NALF1: variants seen among roughly 807,000 people sequenced by gnomAD.
NALF1 encodes the protein NALCN channel auxiliary factor 1, also known as family with sequence similarity 155 member A.
NALF1 carries 3 observed loss-of-function variants against 48.4 expected under a neutral mutation model. The observed-to-expected ratio is 0.06, with a 90% CI of 0.03 to 0.16. The LOEUF (loss-of-function observed/expected upper bound fraction) is 0.16. Ranked by LOEUF, NALF1 falls within the 10% of genes least tolerant of loss-of-function variation. The pLI is 1.00. For missense variants in NALF1, 526 were observed against 571.5 expected (o/e 0.92, Z 0.81); for synonymous variants, 262 against 245.7 (o/e 1.07, Z -0.62).
chr13:107,261,641 A>T (rs180690883), intron 1 of NALF1, among the ~76,000 whole-genome samples: 1,732 of 152,236 alleles, frequency 0.011, 25 homozygotes, highest in African/African-American at 0.039. Flanking sequence ...GGACCTGCTG[A>T]GAGTGTTTTA....
chr13:107,840,318 T>C (rs551319768), intron 1 of NALF1, among the ~76,000 whole-genome samples: 24 of 152,116 alleles, frequency 1.6e-4, no homozygotes, highest in Non-Finnish European at 2.9e-4. Context: ...TCCCCAAAAA[T>C]AGTGGCTGCA....
In NALF1 at chr13:107,167,943, T is replaced by C. The variant is rs1291915108; in HGVS notation, c.*2554A>G. 6.6e-6 allele frequency: 1 copy of C among 152,234 alleles called. No homozygotes were observed. Among genetic ancestry groups the C allele is most frequent in the Non-Finnish European group, 1.5e-5 (1 of 68,036 alleles). The allele number at this position is 152,234 out of a possible 1,614,324, so 9.4% of individuals were successfully genotyped here. A position where few individuals can be genotyped will look rare whatever the true frequency, so the allele number is the denominator to read the frequency against. ...AATATATTGAGAAAATGAAAACCTA[T>C]ATTTTAAGGAATACTGCTTTTCGTC... On this transcript the variant is annotated 3_prime_UTR_variant, in exon 3 of 3. Transcript: ENST00000375915.
At chr13:107,771,562 G>A (rs533811191) in intron 1 of NALF1, among the ~76,000 whole-genome samples, 1 of 151,010 alleles carries the variant, frequency 6.6e-6, no homozygotes, top group Non-Finnish European at 1.5e-5. Context: ...GTTCGAACCA[G>A]AGCGACTCCA....
chr13:107,284,141 C>A (rs1174147030), intron 1 of NALF1, among the ~76,000 whole-genome samples: 4 of 152,116 alleles, frequency 2.6e-5, no homozygotes, highest in Non-Finnish European at 5.9e-5. Flanking sequence ...GTAAGCATTT[C>A]TTTGGAAAAT....
chr13:107,723,193 A>C (rs1196383255), intron 1 of NALF1, among the ~76,000 whole-genome samples: 3 of 152,158 alleles, frequency 2.0e-5, no homozygotes, highest in Non-Finnish European at 4.4e-5. Context: ...ATGACCCAGT[A>C]CCAGAATCCC....
At chr13:107,401,568 T>A (rs945098945) in intron 1 of NALF1, among the ~76,000 whole-genome samples, 3 of 152,216 alleles carry the variant, frequency 2.0e-5, no homozygotes, top group African/African-American at 7.2e-5. Context: ...AAATGGTTTT[T>A]CTATGACAGG....
intron 1 of NALF1, among the ~76,000 whole-genome samples, chr13:107,845,835 A>G (rs1428709579): frequency 6.6e-6 from 1 of 152,174 alleles, no homozygotes; most frequent in Non-Finnish European, 1.5e-5. Context: ...ATACTACCCA[A>G]AAGAATGCCA....
Position 107,536,180 on chromosome 13 carries a change from G to A in NALF1, c.916-325425C>T, listed in dbSNP as rs149577163. 7.7e-3 allele frequency among the ~76,000 whole-genome samples: 1,177 copies of A among 152,244 alleles called. 16 individuals carry two copies. The highest frequency in any genetic ancestry group is 0.027 in the African/African-American group (1,119 of 41,520). On this transcript the variant is annotated intron_variant, in intron 1 of 2. Coordinates refer to ENST00000375915, the MANE Select transcript of NALF1 (RefSeq NM_001080396.3). ...ACACAGGCATGGGCAAGGACTTCACGTCTAAAACACCAAAAGCAATAGCAA... is the reference window on the plus strand; with the variant it reads ...ACACAGGCATGGGCAAGGACTTCACATCTAAAACACCAAAAGCAATAGCAA...
intron 1 of NALF1, 140 bp from the exon 2 acceptor site, chr13:107,210,895 A>G (rs1053981543): frequency 1.7e-6 from 1 of 603,966 alleles, no homozygotes; most frequent in Non-Finnish European, 2.9e-6. Flanking sequence ...GTATTTACAC[A>G]ACGACAGCTG....
chr13:107,585,378 G>GA (rs113082323), intron 1 of NALF1, among the ~76,000 whole-genome samples: 78,924 of 149,824 alleles, frequency 0.53, 21,317 homozygotes, highest in African/African-American at 0.62. Flanking sequence ...AAATAGAATA[G>GA]AAAAAAAAAA....
intron 1 of NALF1, among the ~76,000 whole-genome samples, chr13:107,325,082 G>C (rs1389940001): frequency 6.6e-6 from 1 of 152,126 alleles, no homozygotes; most frequent in East Asian, 1.9e-4. Flanking sequence ...GAAATCATCA[G>C]TGGCTTCTCT....
chr13:107,844,507 G>A (rs570190433), intron 1 of NALF1, among the ~76,000 whole-genome samples: 22 of 152,220 alleles, frequency 1.4e-4, no homozygotes, highest in African/African-American at 5.3e-4. Flanking sequence ...AAGTATAACT[G>A]AATTCAATAT....
At chr13:107,332,645 A>T (rs1321162752) in intron 1 of NALF1, among the ~76,000 whole-genome samples, 2 of 152,172 alleles carry the variant, frequency 1.3e-5, no homozygotes, top group African/African-American at 4.8e-5. Flanking sequence ...TCTGATAAAC[A>T]ATTTAAATAA....
At chr13:107,531,830 T>C (rs1036444698) in intron 1 of NALF1, among the ~76,000 whole-genome samples, 5 of 152,132 alleles carry the variant, frequency 3.3e-5, no homozygotes, top group Admixed American at 1.3e-4. Context: ...GCCAAAGTTT[T>C]GTGTCATGTG....
At chr13:107,542,721 T>C (rs1007898553) in intron 1 of NALF1, among the ~76,000 whole-genome samples, 1 of 152,148 alleles carries the variant, frequency 6.6e-6, no homozygotes, top group Admixed American at 6.6e-5. Flanking sequence ...TCTATATGTA[T>C]TGCTGTTGGA....
intron 1 of NALF1, among the ~76,000 whole-genome samples, chr13:107,533,928 G>A (rs1365362322): frequency 2.0e-5 from 3 of 152,106 alleles, no homozygotes; most frequent in African/African-American, 4.8e-5. Context: ...GAAATGGGGA[G>A]GGGGAGAGAC....
At chr13:107,579,128 G>T (rs762145521) in intron 1 of NALF1, among the ~76,000 whole-genome samples, 1 of 152,128 alleles carries the variant, frequency 6.6e-6, no homozygotes, top group Non-Finnish European at 1.5e-5. Context: ...GTCTCACTTT[G>T]TTGCCCAGGC....
At chr13:107,549,111 T>C (rs1194115492) in intron 1 of NALF1, among the ~76,000 whole-genome samples, 1 of 152,176 alleles carries the variant, frequency 6.6e-6, no homozygotes, top group African/African-American at 2.4e-5. Context: ...ACAAACATGT[T>C]CTTTTGCCAA....
At chr13:107,581,557 T>C (rs1878310038) in intron 1 of NALF1, among the ~76,000 whole-genome samples, 1 of 152,092 alleles carries the variant, frequency 6.6e-6, no homozygotes. Context: ...ACAAGAAAAT[T>C]GTGTAAAGAG....
Sources: allele counts gnomAD v4.1 joint callset (sites outside exome capture counted in the v4.1 genomes callset), GRCh38; gene constraint gnomAD v4.1.1; transcripts MANE v1.5; gene names NCBI Gene and HGNC (gene_info 2026-07-23, HGNC 2026-07-21).